Variants in MANSC4 observed in about 807,000 individuals in gnomAD.
MANSC4 encodes the protein MANSC domain-containing protein 4.
MANSC4 carries 11 observed loss-of-function variants against 11.4 expected under a neutral mutation model. The ratio of observed to expected loss-of-function variants is 0.97; its 90% CI spans 0.61 to 1.60. The LOEUF is 1.60. Among genes scored for constraint, MANSC4 ranks in the 40% most tolerant of loss-of-function variants. The probability of loss-of-function intolerance (pLI) is 0.00; values close to 1 mark genes in which losing one functional copy is unlikely to be tolerated. For synonymous variants in MANSC4, 123 were observed against 147.1 expected, an observed-to-expected ratio of 0.84 and a Z score of 1.19; for missense variants, 354 against 404.6, an observed-to-expected ratio of 0.88 and a Z score of 1.07.
chr12:27,767,469 C>T lies in MANSC4; in HGVS notation c.230-670G>A, dbSNP rs895954182. On this transcript the variant is annotated intron_variant, in intron 2 of 3. Coordinates refer to ENST00000381273, the MANE Select transcript of MANSC4 (RefSeq NM_001146221.5). ...CCGTAACCCCACCGCTATGGGAGGC[C>T]GAGGGGGGCAGATCACCTGAGGTCG... Among the ~76,000 whole-genome samples, 111 of 151,914 alleles carry T rather than the reference C, an allele frequency of 7.3e-4. 1 individual carries two copies. Among genetic ancestry groups the T allele is most frequent in the Admixed American group, 1.9e-3 (29 of 15,232 alleles).
intron 1 of MANSC4, among the ~76,000 whole-genome samples, chr12:27,779,466 C>T (rs904028588): frequency 2.0e-5 from 3 of 152,158 alleles, no homozygotes; most frequent in African/African-American, 7.2e-5. Context: ...TGCAAGCTCC[C>T]CTGCCTCCCA....
rs1358798614 is a variant in MANSC4, at chr12:27,780,183, G to A, written c.-307+27C>T. On this transcript the variant is annotated intron_variant, in intron 1 of 3. Coordinates refer to ENST00000381273, the MANE Select transcript of MANSC4 (RefSeq NM_001146221.5). This position sits in a 1 kb window ranked among gnomAD's most constrained non-coding sequence, Gnocchi z 8.8. ...CCCCGGGAGGAGGGGCCGCCGGAGA[G>A]GCCGGGCGAGCGCGGGCGGCCCTCA... 1.1e-5 allele frequency: 5 copies of A among 468,002 alleles called. No individual in the cohort carries two copies. Among genetic ancestry groups the A allele is most frequent in the Non-Finnish European group, 1.6e-5 (5 of 316,550 alleles). 29.0% of individuals were successfully genotyped at this position (468,002 alleles called of 1,614,324 possible).
Position 27,763,097 on chromosome 12 carries a change from C to G in MANSC4, c.664G>C (p.Asp222His). Residue 222 changes from aspartate (D) to histidine (H), a missense_variant, in exon 4 of 4, where the codon GAT (aspartate) becomes CAT (histidine). By Grantham distance (81) the Asp-to-His change is moderately conservative. Transcript: ENST00000381273. The part of the protein sequence containing the change: ...TKINKVSPST[D>H]FISNPDNKTI... ...TTATTATCTGGATTGCTGATGAAATCAGTACTTGGTGACACCTTATTTATC... is the reference window on the plus strand; with the variant it reads ...TTATTATCTGGATTGCTGATGAAATGAGTACTTGGTGACACCTTATTTATC... The G allele has an allele frequency of 6.4e-7, 1 of 1,551,712 alleles. No individual in the cohort carries two copies. The highest frequency in any genetic ancestry group is 2.0e-5 in the Admixed American group (1 of 50,964).
chr12:27,777,936 T>C (rs1360199943), intron 1 of MANSC4, among the ~76,000 whole-genome samples: 2 of 150,236 alleles, frequency 1.3e-5, no homozygotes, highest in Non-Finnish European at 3.0e-5. Flanking sequence ...AAAAAATGCA[T>C]TTTTTTTTGC....
intron 1 of MANSC4, among the ~76,000 whole-genome samples, chr12:27,772,320 T>TA (rs1159681731): frequency 6.6e-6 from 1 of 152,208 alleles, no homozygotes; most frequent in African/African-American, 2.4e-5. Flanking sequence ...AGCACTCTAC[T>TA]GTTTCTTCTA....
chr12:27,766,211 G>T (rs1056383256), intron 3 of MANSC4, among the ~76,000 whole-genome samples: 1 of 152,106 alleles, frequency 6.6e-6, no homozygotes, highest in African/African-American at 2.4e-5. Flanking sequence ...GGGACTACAG[G>T]TGTGCGCCAC....
intron 1 of MANSC4, among the ~76,000 whole-genome samples, chr12:27,772,423 C>A (rs1374501785): frequency 1.3e-5 from 2 of 152,214 alleles, no homozygotes; most frequent in Non-Finnish European, 2.9e-5. Flanking sequence ...AAATCATCAG[C>A]ATTCTTTGAA....
chr12:27,769,044 G>A (rs1472695218), intron 2 of MANSC4, among the ~76,000 whole-genome samples: 1 of 152,176 alleles, frequency 6.6e-6, no homozygotes, highest in Non-Finnish European at 1.5e-5. Flanking sequence ...TGCTGTGTAA[G>A]GTGAACTGTG....
chr12:27,769,910 GGCAATTATAACTTGAAATCCT>G (rs1306824758), intron 2 of MANSC4, among the ~76,000 whole-genome samples: 11 of 152,112 alleles, frequency 7.2e-5, no homozygotes, highest in Admixed American at 3.9e-4. Context: ...GAAGTCTTTA[GGCAATTATAACTTGAAATCCT>G]GCAATAATAA....
rs200779115 is a variant in MANSC4 at position 27,763,397 on chromosome 12, C to T, written c.365-1G>A. On this transcript the variant is annotated splice_acceptor_variant, in intron 3 of 3. Transcript: ENST00000381273. LOFTEE classifies it high-confidence loss of function. The stretch of plus-strand genomic sequence containing the variant: ...AAAACCAGCAAATCCGGATCTATAC[C>T]TGAAAAATAAATAAGGCATCATTCA... 5.6e-5 allele frequency: 86 copies of T among 1,532,188 alleles called. 1 individual carries two copies. The highest frequency in any genetic ancestry group is 7.0e-5 in the Non-Finnish European group (80 of 1,138,470). The allele number at this position is 1,532,188 out of a possible 1,614,324, so 94.9% of individuals were successfully genotyped here. A position where few individuals can be genotyped will look rare whatever the true frequency, so the allele number is the denominator to read the frequency against.
chr12:27,775,499 C>T (rs1208917452), intron 1 of MANSC4, among the ~76,000 whole-genome samples: 2 of 152,176 alleles, frequency 1.3e-5, no homozygotes, highest in East Asian at 1.9e-4. Flanking sequence ...TGCACTCCAA[C>T]TTAGGCAACA....
chr12:27,770,407 C>CT (rs1180220688), intron 2 of MANSC4, among the ~76,000 whole-genome samples: 1 of 151,934 alleles, frequency 6.6e-6, no homozygotes, highest in Admixed American at 6.6e-5. Flanking sequence ...TCTCCAACTC[C>CT]TGACCTCGAG....
chr12:27,772,826 A>G (rs1301780533), intron 1 of MANSC4, among the ~76,000 whole-genome samples: 1 of 152,166 alleles, frequency 6.6e-6, no homozygotes, highest in Non-Finnish European at 1.5e-5. Flanking sequence ...TTCCATGGCT[A>G]TTTCTCTTAG....
In MANSC4 at chr12:27,766,824, AT is replaced by A. The variant is rs760661514; in HGVS notation, c.230-26del. 22 of 1,548,568 alleles carry A rather than the reference AT, an allele frequency of 1.4e-5. No homozygotes were observed. In the African/African-American group the frequency reaches 2.7e-4, roughly 19 times the overall value. On this transcript the variant is annotated intron_variant, in intron 2 of 3. Transcript: ENST00000381273. ...ACTGAAAGGGAAACAAGCGAAGTAC[AT>A]CTGCAGATGGTCTCAATTTGCACCA...
intron 1 of MANSC4, among the ~76,000 whole-genome samples, chr12:27,778,221 G>A (rs10842983): frequency 0.42 from 57,058 of 135,752 alleles, 11,328 homozygotes; most frequent in Admixed American, 0.52. Context: ...GGGAAACTCT[G>A]TCTCAAAAAA....
intron 1 of MANSC4, among the ~76,000 whole-genome samples, chr12:27,776,760 T>C (rs1280532220): frequency 6.6e-6 from 1 of 151,966 alleles, no homozygotes; most frequent in South Asian, 2.1e-4. Context: ...TCTAAAAAAA[T>C]AAAAAATAAA....
chr12:27,764,027 C>G (rs572254200), intron 3 of MANSC4, among the ~76,000 whole-genome samples: 1 of 152,240 alleles, frequency 6.6e-6, no homozygotes, highest in South Asian at 2.1e-4. Context: ...GCCACTGCAC[C>G]CAGCAATATA....
At chr12:27,772,360 C>T (rs1363010209) in intron 1 of MANSC4, among the ~76,000 whole-genome samples, 5 of 152,152 alleles carry the variant, frequency 3.3e-5, no homozygotes, top group Admixed American at 6.5e-5. Flanking sequence ...ATCTGTGATC[C>T]GTATTTCTTT....
chr12:27,764,200 A>T (rs2062061555), intron 3 of MANSC4, among the ~76,000 whole-genome samples: 1 of 152,158 alleles, frequency 6.6e-6, no homozygotes, highest in South Asian at 2.1e-4. Context: ...CTAACTTCAG[A>T]CATGAACAAA....
Sources: gnomAD v4.1 joint callset for allele counts (sites outside exome capture counted in the v4.1 genomes callset) on GRCh38, gnomAD v4.1.1 for gene constraint, Gnocchi (gnomAD v3.1) non-coding constraint, MANE v1.5 for transcripts, NCBI Gene and HGNC (gene_info 2026-07-23, HGNC 2026-07-21) for gene names.